Variants in USP36 observed in about 807,000 individuals in gnomAD.
USP36 encodes the protein ubiquitin carboxyl-terminal hydrolase 36.
A neutral mutation model predicts 111.5 loss-of-function variants in USP36; 59 were observed. That is an observed-to-expected ratio of 0.53 (90% CI 0.43 to 0.66). USP36 has a LOEUF of 0.66. USP36 is among the 30% of genes least tolerant of loss of function. USP36 has a pLI of 0.00. For synonymous variants in USP36, 628 were observed against 581.0 expected, an observed-to-expected ratio of 1.08 and a Z score of -1.16; for missense variants, 1,488 against 1,468.0, an observed-to-expected ratio of 1.01 and a Z score of -0.22.
intron 10 of USP36, among the ~76,000 whole-genome samples, chr17:78,815,324 C>A (rs1054573568): frequency 4.6e-5 from 7 of 152,158 alleles, no homozygotes; most frequent in African/African-American, 1.7e-4. Context: ...GAGCGAGACT[C>A]CATCTCAAAA....
chr17:78,837,436 A>G (rs538918423), intron 2 of USP36, among the ~76,000 whole-genome samples: 2 of 152,278 alleles, frequency 1.3e-5, no homozygotes, highest in Admixed American at 6.5e-5. Context: ...AGGGACAACT[A>G]CTATGACTTC....
chr17:78,808,147 T>C (rs979403788), intron 13 of USP36, among the ~76,000 whole-genome samples: 1 of 152,272 alleles, frequency 6.6e-6, no homozygotes, highest in East Asian at 1.9e-4. Flanking sequence ...TAGTGCTTTC[T>C]TTTTTCAATC....
chr17:78,815,099 C>A (rs150961543), intron 10 of USP36, among the ~76,000 whole-genome samples: 1 of 151,998 alleles, frequency 6.6e-6, no homozygotes. Flanking sequence ...TTTGGGAGGC[C>A]GAGGCGGGTA....
intron 13 of USP36, among the ~76,000 whole-genome samples, chr17:78,808,336 A>G (rs2093965955): frequency 6.6e-6 from 1 of 152,096 alleles, no homozygotes; most frequent in Non-Finnish European, 1.5e-5. Flanking sequence ...CTGCAGCCTC[A>G]ACCTTCTGGG....
In USP36 at chr17:78,821,817, G is replaced by C. The variant is rs1262901636; in HGVS notation, c.757+120C>G. 4 of 1,151,828 alleles carry C rather than the reference G, an allele frequency of 3.5e-6. No individual in the cohort carries two copies. In the African/African-American group the frequency reaches 4.7e-5, roughly 13 times the overall value. 71.4% of individuals were successfully genotyped at this position (1,151,828 alleles called of 1,614,324 possible). On this transcript the variant is annotated intron_variant, in intron 7 of 20. Coordinates refer to ENST00000449938, the MANE Select transcript of USP36 (RefSeq NM_001385174.1). The stretch of plus-strand genomic sequence containing the variant: ...GAGGAAACCATGGCTCAAGACCTCA[G>C]AGACTGACCCAGGTCTGCACAGCGA...
Position 78,821,138 on chromosome 17 carries a change from G to A in USP36, c.758-77C>T, listed in dbSNP as rs565400734. On this transcript the variant is annotated intron_variant, in intron 7 of 20. Transcript: ENST00000449938. ...CAGCTCCCAAGACCGAGACCCAGCA[G>A]GGAGGCAGACTCTCAGCAGGGCTTT... 119 of 1,421,780 alleles carry A rather than the reference G, an allele frequency of 8.4e-5. 3 individuals are homozygous for A. In the South Asian group the frequency reaches 1.4e-3, roughly 17 times the overall value. The allele number at this position is 1,421,780 out of a possible 1,614,324, so 88.1% of individuals were successfully genotyped here.
chr17:78,801,059 C>T (rs1313849828), intron 17 of USP36, among the ~76,000 whole-genome samples: 1 of 150,862 alleles, frequency 6.6e-6, no homozygotes, highest in African/African-American at 2.4e-5. Flanking sequence ...TCACTGCAAG[C>T]TCCGCCTCCT....
chr17:78,824,949 C>T (rs1226024478), intron 6 of USP36, among the ~76,000 whole-genome samples: 2 of 152,184 alleles, frequency 1.3e-5, no homozygotes, highest in Admixed American at 6.5e-5. Context: ...CTAAAAGCAA[C>T]GATCCTCAAT....
At chr17:78,812,548 G>A (rs1362031346) in intron 13 of USP36, among the ~76,000 whole-genome samples, 5 of 151,802 alleles carry the variant, frequency 3.3e-5, no homozygotes, top group South Asian at 4.2e-4. Context: ...AAAATTAGCC[G>A]GGCGTGGTTC....
In USP36 at chr17:78,806,170, G is replaced by A. The variant is rs140290111; in HGVS notation, c.2202C>T (p.Pro734=). The A allele has an allele frequency of 6.2e-3, 10,024 of 1,613,508 alleles. 63 individuals are homozygous for A. Among genetic ancestry groups the A allele is most frequent in the Non-Finnish European group, 6.4e-3 (7,498 of 1,179,936 alleles). The change falls in exon 15 of 21, where the codon CCC becomes CCT. Residue 734 remains proline, a synonymous_variant. Transcript: ENST00000449938. ...TSHPVVASTW[P]VHRARAVSPA... Reference sequence around the variant, plus strand: ...CCAAAGCTTACCTGGCTCTATGGACGGGCCAAGTGGAGGCAACGACGGGGT... The same window carrying A: ...CCAAAGCTTACCTGGCTCTATGGACAGGCCAAGTGGAGGCAACGACGGGGT...
chr17:78,799,566 G>A lies in USP36; in HGVS notation c.3124+101C>T, dbSNP rs568522663. 2.3e-4 allele frequency: 250 copies of A among 1,070,224 alleles called. 8 individuals carry two copies. In the South Asian group the frequency reaches 3.1e-3, roughly 13 times the overall value. 66.3% of individuals were successfully genotyped at this position (1,070,224 alleles called of 1,614,324 possible). A position where few individuals can be genotyped will look rare whatever the true frequency, so the allele number is the denominator to read the frequency against. ...CCATTCTCAAAGCCGAGCGATGCCC[G>A]CCCGCCACACTCACAGTGCACCAGG... On this transcript the variant is annotated intron_variant, in intron 18 of 20. Coordinates refer to ENST00000449938, the MANE Select transcript of USP36 (RefSeq NM_001385174.1).
intron 12 of USP36, 37 bp downstream of exon 12, chr17:78,813,736 G>A (rs763087148): frequency 1.3e-6 from 2 of 1,583,720 alleles, no homozygotes; most frequent in Non-Finnish European, 1.7e-6. Context: ...AAGAGCAGAG[G>A]GAGTGAGCTC....
At position 78,807,407 on chromosome 17, in the gene USP36, G is replaced by T; in HGVS notation, c.1637C>A (p.Ser546Tyr). Residue 546 changes from serine to tyrosine, a missense_variant, in exon 14 of 21, where the codon TCC becomes TAC. Physicochemically the swap from Ser to Tyr is moderately radical, Grantham distance 144. This residue lies in a region of USP36 where 1,073 missense variants were observed against 994.1 expected (regional missense o/e 1.08). Transcript: ENST00000449938. ...VKKPAPPQHF[S>Y]PRTAQGLPGT... Reference sequence around the variant, plus strand: ...AGGCAGCCCCTGAGCAGTTCTGGGGGAAAAGTGCTGTGGAGGAGCTGGCTT... The same window carrying T: ...AGGCAGCCCCTGAGCAGTTCTGGGGTAAAAGTGCTGTGGAGGAGCTGGCTT... The T allele has an allele frequency of 6.2e-7, 1 of 1,614,194 alleles. No homozygotes were observed. Among genetic ancestry groups the T allele is most frequent in the Non-Finnish European group, 8.5e-7 (1 of 1,180,024 alleles).
chr17:78,807,081 G>A lies in USP36; in HGVS notation c.1963C>T (p.Pro655Ser), dbSNP rs771024669. 3.7e-5 allele frequency: 60 copies of A among 1,614,122 alleles called. No homozygotes were observed. The highest frequency in any genetic ancestry group is 1.8e-4 in the Admixed American group (11 of 60,014). The change falls in exon 14 of 21, where the codon CCA (proline) becomes TCA (serine). Residue 655 changes from proline (P) to serine (S), a missense_variant. Transcript: ENST00000449938. The part of the protein sequence containing the change: ...CSTAGHSKTP[P>S]SGADSKTVKL... The stretch of plus-strand genomic sequence containing the variant: ...ACCGTCTTAGAATCTGCTCCACTTG[G>A]CGGCGTTTTGGAGTGGCCAGCGGTG...
At chr17:78,795,011 A>AT (rs1453246047), downstream of USP36, among the ~76,000 whole-genome samples, 2 of 137,296 alleles carry the variant, frequency 1.5e-5, no homozygotes, top group Non-Finnish European at 1.6e-5. This position sits in a 1 kb window ranked among gnomAD's most constrained non-coding sequence, Gnocchi z 4.5. Context: ...CTGTTCGGGA[A>AT]AAAAAAAAAA....
intron 13 of USP36, among the ~76,000 whole-genome samples, chr17:78,811,130 C>CAAAA (rs969048033): frequency 4.2e-4 from 12 of 28,336 alleles, no homozygotes; most frequent in South Asian, 1.6e-3. Context: ...GACTCTGTCT[C>CAAAA]AAAAAAAAAA....
downstream of USP36, among the ~76,000 whole-genome samples, chr17:78,795,040 C>T (rs547311933): frequency 6.6e-6 from 1 of 151,060 alleles, no homozygotes; most frequent in South Asian, 2.1e-4. This position sits in a 1 kb window ranked among gnomAD's most constrained non-coding sequence, Gnocchi z 4.5. Context: ...GTAAAAACCA[C>T]AGCCTCGCCC....
intron 9 of USP36, 61 bp from the exon 10 acceptor site, chr17:78,818,839 T>C: frequency 1.3e-6 from 2 of 1,571,522 alleles, no homozygotes; most frequent in East Asian, 2.2e-5. Context: ...AAAAATGTTG[T>C]CTTAACGCTA....
chr17:78,819,995 C>T lies in USP36; in HGVS notation c.846G>A (p.Val282=). 11 of 1,614,148 alleles carry T rather than the reference C, an allele frequency of 6.8e-6. No homozygotes were observed. Among genetic ancestry groups the T allele is most frequent in the Non-Finnish European group, 9.3e-6 (11 of 1,180,002 alleles). The change falls in exon 9 of 21, where the codon GTG becomes GTA. Residue 282 remains valine, a synonymous_variant. Transcript: ENST00000449938. ...ALEIRQAANI[V]RALELFVKAD... The stretch of plus-strand genomic sequence containing the variant: ...CTTTCACAAAAAGTTCCAGAGCACG[C>T]ACAATATTCGCAGCTTGCTGAGGAG...
Sources: gnomAD v4.1 joint callset for allele counts (sites outside exome capture counted in the v4.1 genomes callset) on GRCh38, gnomAD v4.1.1 for gene constraint, gnomAD v4.1.1 regional missense constraint, Gnocchi (gnomAD v3.1) non-coding constraint, MANE v1.5 for transcripts, NCBI Gene and HGNC (gene_info 2026-07-23, HGNC 2026-07-21) for gene names.